Variants in RIMS1 observed in about 807,000 individuals in gnomAD.
RIMS1 encodes regulating synaptic membrane exocytosis 1.
In RIMS1, 83 loss-of-function variants were observed where a neutral mutation model predicts 214.1. The observed-to-expected ratio is 0.39, with a 90% confidence interval of 0.32 to 0.47. The LOEUF (loss-of-function observed/expected upper bound fraction) is 0.47, where lower values mean the gene tolerates loss of function less well. Ranked by LOEUF, RIMS1 falls within the 20% of genes least tolerant of loss-of-function variation. The pLI is 0.99. For synonymous variants in RIMS1, 793 were observed against 786.8 expected (o/e 1.01, Z -0.13); for missense variants, 2,050 against 2,161.8 (o/e 0.95, Z 1.03).
chr6:72,020,279 G>C (rs952580058), intron 2 of RIMS1, among the ~76,000 whole-genome samples: 4 of 152,134 alleles, frequency 2.6e-5, no homozygotes, highest in Admixed American at 6.6e-5. Flanking sequence ...AGATAATAAG[G>C]TGTCTGCATT....
At chr6:72,022,339 T>C (rs1814962952) in intron 2 of RIMS1, among the ~76,000 whole-genome samples, 1 of 152,166 alleles carries the variant, frequency 6.6e-6, no homozygotes, top group Non-Finnish European at 1.5e-5. Context: ...AGTCCCCTGT[T>C]CCCCTTGTTC....
intron 2 of RIMS1, among the ~76,000 whole-genome samples, chr6:72,064,879 G>A (rs1828889618): frequency 6.6e-6 from 1 of 152,108 alleles, no homozygotes; most frequent in Non-Finnish European, 1.5e-5. Flanking sequence ...CCTGCATTTT[G>A]TTCCTGTTTT....
At chr6:72,103,670 G>A (rs1476029566) in intron 4 of RIMS1, among the ~76,000 whole-genome samples, 2 of 152,040 alleles carry the variant, frequency 1.3e-5, no homozygotes, top group Non-Finnish European at 2.9e-5. Flanking sequence ...TTACGTTTAT[G>A]TATCTAGGAG....
At chr6:72,313,717 A>T in intron 28 of RIMS1, 45 bp downstream of exon 28, 7 of 1,529,876 alleles carry the variant, frequency 4.6e-6, no homozygotes, top group Non-Finnish European at 6.2e-6. Context: ...TTTATCTGTG[A>T]TATAAAAATA....
Position 72,068,784 on chromosome 6 carries a change from G to A in RIMS1, c.246-28165G>A, listed in dbSNP as rs548834158. Reference sequence around the variant, plus strand: ...AAATTAGCTGGGCGTGGTGGCGGGCGCCTGTAGTCCCAGCTACTCGGGAGG... The same window carrying A: ...AAATTAGCTGGGCGTGGTGGCGGGCACCTGTAGTCCCAGCTACTCGGGAGG... On this transcript the variant is annotated intron_variant, in intron 2 of 33. Coordinates refer to ENST00000521978, the MANE Select transcript of RIMS1 (RefSeq NM_014989.7). Among the ~76,000 whole-genome samples the A allele has an allele frequency of 5.9e-5, 9 of 152,096 alleles. 1 individual carries two copies. The South Asian group carries it at 1.2e-3, about 21-fold the overall frequency.
chr6:72,376,090 C>A (rs953284163), intron 29 of RIMS1, among the ~76,000 whole-genome samples: 2 of 152,064 alleles, frequency 1.3e-5, no homozygotes, highest in Non-Finnish European at 2.9e-5. Flanking sequence ...ACCCTAGCAC[C>A]CCAATTTTCT....
At chr6:72,136,609 A>G (rs113432135) in intron 4 of RIMS1, among the ~76,000 whole-genome samples, 1,617 of 152,240 alleles carry the variant, frequency 0.011, 8 homozygotes, top group Non-Finnish European at 0.017. Context: ...AAACATTCAG[A>G]AAGTTTACCT....
intron 2 of RIMS1, among the ~76,000 whole-genome samples, chr6:72,040,027 C>T (rs1262465763): frequency 6.6e-6 from 1 of 152,032 alleles, no homozygotes; most frequent in African/African-American, 2.4e-5. Flanking sequence ...CTCACAGACA[C>T]TGCAAATTAG....
intron 29 of RIMS1, among the ~76,000 whole-genome samples, chr6:72,375,074 G>A (rs533335058): frequency 3.3e-5 from 5 of 152,134 alleles, no homozygotes; most frequent in Non-Finnish European, 2.9e-5. Context: ...ATGAAGCTTC[G>A]CCCACTACTC....
intron 2 of RIMS1, among the ~76,000 whole-genome samples, chr6:72,089,350 A>C (rs965618983): frequency 6.6e-6 from 1 of 152,158 alleles, no homozygotes; most frequent in African/African-American, 2.4e-5. Flanking sequence ...CTAGATCAGA[A>C]TACCTTAGCT....
chr6:72,059,549 A>G (rs1047170027), intron 2 of RIMS1, among the ~76,000 whole-genome samples: 5 of 152,102 alleles, frequency 3.3e-5, no homozygotes, highest in African/African-American at 1.2e-4. Flanking sequence ...TATTTTAAAT[A>G]CCTTCTAAAT....
intron 17 of RIMS1, 23 bp from the exon 18 acceptor site, chr6:72,258,961 CAT>C (rs1326706682): frequency 9.4e-5 from 152 of 1,610,162 alleles, no homozygotes; most frequent in Non-Finnish European, 1.3e-4. Flanking sequence ...CAATTTGACA[CAT>C]AAGAATTTTG....
chr6:72,260,893 T>A lies in RIMS1; in HGVS notation c.3116+126T>A. The A allele has an allele frequency of 3.3e-6, 5 of 1,522,968 alleles. No homozygotes were observed. In the South Asian group the frequency reaches 6.1e-5, roughly 18 times the overall value. 94.3% of individuals were successfully genotyped at this position (1,522,968 alleles called of 1,614,324 possible). ...AAATAAATTTCCCAAGTATTTGAAA[T>A]TTGTTTTGTTTTATATTGAGGTTAT... is the stretch of plus-strand genomic sequence containing the variant. On this transcript the variant is annotated intron_variant, in intron 19 of 33. Coordinates refer to ENST00000521978, the MANE Select transcript of RIMS1 (RefSeq NM_014989.7).
Position 72,290,728 on chromosome 6 carries a change from A to G in RIMS1, c.3604A>G (p.Thr1202Ala), listed in dbSNP as rs1364253649. 1.2e-6 allele frequency: 2 copies of G among 1,613,780 alleles called. No individual in the cohort carries two copies. Among genetic ancestry groups the G allele is most frequent in the Non-Finnish European group, 1.7e-6 (2 of 1,179,752 alleles). Reference protein sequence around the residue: ...SRRGHAAPRATDQPVIRGKHP... With the variant: ...SRRGHAAPRAADQPVIRGKHP... ...AAGGGGACACGCAGCCCCAAGAGCA[A>G]CTGATCAGCCAGTCATTAGGGGAAA... Residue 1202 changes from threonine (T) to alanine (A), a missense_variant, in exon 25 of 34, where the codon ACT (threonine) becomes GCT (alanine). Coordinates refer to ENST00000521978, the MANE Select transcript of RIMS1 (RefSeq NM_014989.7).
At chr6:72,232,965 A>G (rs1234268228) in intron 6 of RIMS1, among the ~76,000 whole-genome samples, 1 of 151,952 alleles carries the variant, frequency 6.6e-6, no homozygotes, top group African/African-American at 2.4e-5. Flanking sequence ...ATGCAGAGAA[A>G]AATTTTATTG....
At chr6:72,096,319 A>G (rs1251702992) in intron 2 of RIMS1, among the ~76,000 whole-genome samples, 1 of 152,242 alleles carries the variant, frequency 6.6e-6, no homozygotes, top group Non-Finnish European at 1.5e-5. Flanking sequence ...AAAAGCTAAC[A>G]TTCTGTGTAC....
At chr6:71,989,876 A>T (rs1801072446) in intron 2 of RIMS1, among the ~76,000 whole-genome samples, 2 of 151,576 alleles carry the variant, frequency 1.3e-5, no homozygotes, top group Non-Finnish European at 2.9e-5. Flanking sequence ...CTCCAACCCC[A>T]CCTCAGGCCA....
intron 1 of RIMS1, among the ~76,000 whole-genome samples, chr6:71,903,167 C>T (rs1411391183): frequency 2.0e-5 from 3 of 152,108 alleles, no homozygotes; most frequent in Admixed American, 6.6e-5. Context: ...ATTCCTTTTT[C>T]TCTGCAACCC....
chr6:72,141,481 T>G (rs139583354), intron 4 of RIMS1, among the ~76,000 whole-genome samples: 1 of 152,096 alleles, frequency 6.6e-6, no homozygotes, highest in African/African-American at 2.4e-5. Flanking sequence ...AGGCTGCAAT[T>G]TGAGGCAAAG....
Sources: gnomAD v4.1 joint callset for allele counts (sites outside exome capture counted in the v4.1 genomes callset) on GRCh38, gnomAD v4.1.1 for gene constraint, MANE v1.5 for transcripts, NCBI Gene and HGNC (gene_info 2026-07-23, HGNC 2026-07-21) for gene names.